The following VEGFC variants were observed in gnomAD, a reference collection of about 807,000 sequenced individuals.
VEGFC encodes FLT4 ligand DHM.
VEGFC carries 12 observed loss-of-function variants against 46.1 expected under a neutral mutation model. That is an observed-to-expected ratio of 0.26 (90% CI 0.17 to 0.42). The LOEUF is 0.42. Ranked by LOEUF, VEGFC falls within the 10% of genes least tolerant of loss-of-function variation. VEGFC has a pLI of 1.00. For missense variants in VEGFC, 488 were observed against 529.4 expected (o/e 0.92, Z 0.77); for synonymous variants, 232 against 195.5 (o/e 1.19, Z -1.56).
chr4:176,749,620 G>A lies in VEGFC; in HGVS notation c.148-19874C>T, dbSNP rs1029586774. Among the ~76,000 whole-genome samples, 9 of 151,336 alleles carry A rather than the reference G, an allele frequency of 5.9e-5. No homozygotes were observed. In the East Asian group the frequency reaches 1.2e-3, roughly 20 times the overall value. ...AAGAATTTCTTACCTTGAATGTGAGGTACATATGTATACAAAAATATTTAT... is the reference window on the plus strand; with the variant it reads ...AAGAATTTCTTACCTTGAATGTGAGATACATATGTATACAAAAATATTTAT... On this transcript the variant is annotated intron_variant, in intron 1 of 6. Transcript: ENST00000618562.
chr4:176,728,012 A>T (rs754835785), intron 2 of VEGFC, 44 bp from the exon 3 acceptor site: 3 of 1,485,356 alleles, frequency 2.0e-6, no homozygotes, highest in Middle Eastern at 1.8e-4. Context: ...GGAAACCACC[A>T]AGATAAAAAA....
At position 176,687,896 on chromosome 4, in the gene VEGFC, T is replaced by C; in HGVS notation, c.736A>G (p.Asn246Asp). The C allele has an allele frequency of 1.4e-5, 22 of 1,613,700 alleles. No homozygotes were observed. Among genetic ancestry groups the C allele is most frequent in the Non-Finnish European group, 1.9e-5 (22 of 1,179,836 alleles). ...CQAANKTCPT[N>D]YMWNNHICRC... ...CAGATGTGATTATTCCACATGTAAT[T>C]GGTGGGGCAGGTCTTGTTCGCTGCC... The change falls in exon 5 of 7, where the codon AAT becomes GAT. Residue 246 changes from asparagine (N) to aspartate (D), a missense_variant. Asn to Asp is a conservative substitution (Grantham distance 23). Transcript: ENST00000618562.
At chr4:176,767,875 C>T (rs1040431481) in intron 1 of VEGFC, among the ~76,000 whole-genome samples, 5 of 152,076 alleles carry the variant, frequency 3.3e-5, no homozygotes, top group African/African-American at 4.8e-5. Flanking sequence ...CAGAACGCTG[C>T]CCTGATCCAA....
chr4:176,695,886 A>G (rs1734303212), intron 4 of VEGFC, among the ~76,000 whole-genome samples: 2 of 151,982 alleles, frequency 1.3e-5, no homozygotes, highest in African/African-American at 2.4e-5. Flanking sequence ...CAAAAACCAC[A>G]TGATTATCTC....
At chr4:176,702,772 T>C (rs1025687122) in intron 4 of VEGFC, among the ~76,000 whole-genome samples, 1 of 152,124 alleles carries the variant, frequency 6.6e-6, no homozygotes, top group East Asian at 1.9e-4. Flanking sequence ...TTGATTGTAC[T>C]CTCTTGCTAA....
At chr4:176,719,876 C>T (rs994636697) in intron 3 of VEGFC, among the ~76,000 whole-genome samples, 7 of 152,050 alleles carry the variant, frequency 4.6e-5, no homozygotes, top group Admixed American at 2.0e-4. Flanking sequence ...GCCTGGCCAA[C>T]GTGGTGAAAA....
chr4:176,785,354 T>A (rs1433000002), intron 1 of VEGFC, among the ~76,000 whole-genome samples: 1 of 152,222 alleles, frequency 6.6e-6, no homozygotes, highest in East Asian at 1.9e-4. Context: ...TCTTTAGAAG[T>A]GAGTCTTTTA....
At chr4:176,688,747 C>A (rs1174052590) in intron 4 of VEGFC, among the ~76,000 whole-genome samples, 2 of 152,154 alleles carry the variant, frequency 1.3e-5, no homozygotes, top group Admixed American at 6.5e-5. Context: ...CTACCTGAGA[C>A]CCCTCTCTGT....
chr4:176,729,442 T>A, intron 2 of VEGFC, 91 bp downstream of exon 2: 1 of 1,041,818 alleles, frequency 9.6e-7, no homozygotes, highest in Non-Finnish European at 1.3e-6. Context: ...GTGTATTCGG[T>A]GATACAAACA....
At chr4:176,763,266 C>T (rs967623008) in intron 1 of VEGFC, among the ~76,000 whole-genome samples, 2 of 151,946 alleles carry the variant, frequency 1.3e-5, no homozygotes, top group South Asian at 4.1e-4. Context: ...AGTGAAAGAT[C>T]AAAAAGCACG....
intron 1 of VEGFC, among the ~76,000 whole-genome samples, chr4:176,761,609 A>T (rs1735531379): frequency 6.6e-6 from 1 of 152,218 alleles, no homozygotes; most frequent in Admixed American, 6.5e-5. Context: ...GTAATGTTGA[A>T]TACTGCATTA....
At chr4:176,782,488 A>C (rs971800198) in intron 1 of VEGFC, among the ~76,000 whole-genome samples, 1 of 151,854 alleles carries the variant, frequency 6.6e-6, no homozygotes, top group East Asian at 1.9e-4. Flanking sequence ...AAAATTTTTA[A>C]ATAAAAAAAA....
chr4:176,758,120 TAGGAG>T (rs1735465873), intron 1 of VEGFC, among the ~76,000 whole-genome samples: 1 of 152,104 alleles, frequency 6.6e-6, no homozygotes, highest in South Asian at 2.1e-4. Flanking sequence ...TTTTAACCCT[TAGGAG>T]AGAAGTTATT....
At chr4:176,781,867 G>T (rs1579141470) in intron 1 of VEGFC, among the ~76,000 whole-genome samples, 1 of 152,190 alleles carries the variant, frequency 6.6e-6, no homozygotes, top group East Asian at 1.9e-4. Flanking sequence ...GTTAAACTTT[G>T]AACACTGCTT....
At chr4:176,726,979 A>C (rs1446828885) in intron 3 of VEGFC, among the ~76,000 whole-genome samples, 4 of 152,228 alleles carry the variant, frequency 2.6e-5, no homozygotes, top group Non-Finnish European at 4.4e-5. Flanking sequence ...TTTCGGGAGA[A>C]GTTTGCTTCA....
chr4:176,784,057 C>T (rs866458910), intron 1 of VEGFC, among the ~76,000 whole-genome samples: 21 of 84,578 alleles, frequency 2.5e-4, no homozygotes, highest in Middle Eastern at 5.7e-3. Flanking sequence ...TATGTATGCA[C>T]ATGCTGTTTT....
chr4:176,759,392 G>GC (rs1735488509), intron 1 of VEGFC, among the ~76,000 whole-genome samples: 1 of 152,104 alleles, frequency 6.6e-6, no homozygotes, highest in East Asian at 1.9e-4. Flanking sequence ...GCATGATCAC[G>GC]CTTAAATGTA....
At chr4:176,773,692 G>GT (rs1472910655) in intron 1 of VEGFC, among the ~76,000 whole-genome samples, 1 of 152,016 alleles carries the variant, frequency 6.6e-6, no homozygotes, top group Non-Finnish European at 1.5e-5. Flanking sequence ...GTTTGTTGTT[G>GT]TTTTTTAAGA....
intron 1 of VEGFC, among the ~76,000 whole-genome samples, chr4:176,767,446 T>G (rs536649840): frequency 9.2e-5 from 14 of 152,342 alleles, no homozygotes; most frequent in African/African-American, 2.9e-4. Context: ...GTGTGCACTC[T>G]ACAGTTAGAG....
Sources: allele counts gnomAD v4.1 joint callset (sites outside exome capture counted in the v4.1 genomes callset), GRCh38; gene constraint gnomAD v4.1.1; transcripts MANE v1.5; gene names NCBI Gene and HGNC (gene_info 2026-07-23, HGNC 2026-07-21).